TAFA2: variants seen among roughly 807,000 people sequenced by gnomAD.
TAFA2 encodes the protein TAFA chemokine like family member 2.
Under a neutral mutation model 18.8 loss-of-function variants are expected in TAFA2, and 7 were observed. That is an observed-to-expected ratio of 0.37 (90% confidence interval 0.21 to 0.70). The LOEUF is 0.70. Among genes scored for constraint, TAFA2 ranks in the 30% least tolerant of loss-of-function variants. The pLI, the probability that TAFA2 is intolerant of heterozygous loss-of-function variation, is 0.53. For missense variants in TAFA2, 122 were observed against 158.1 expected (o/e 0.77, Z 1.23); for synonymous variants, 60 against 54.2 (o/e 1.11, Z -0.47).
At chr12:62,021,481 T>TC in intron 1 of TAFA2, 1 of 624,260 alleles carries the variant, frequency 1.6e-6, no homozygotes, top group South Asian at 1.7e-5. Context: ...ATTCTTTTTT[T>TC]TTTTTCTGTC....
chr12:61,957,603 C>A (rs1878741074), intron 1 of TAFA2, among the ~76,000 whole-genome samples: 1 of 152,050 alleles, frequency 6.6e-6, no homozygotes. Context: ...TTGGACTGAG[C>A]AGGCCAAAGA....
intron 2 of TAFA2, among the ~76,000 whole-genome samples, chr12:61,769,472 C>T (rs1171575908): frequency 1.3e-5 from 2 of 152,038 alleles, no homozygotes; most frequent in Non-Finnish European, 2.9e-5. Context: ...ACAAAGGACA[C>T]TCACAGAGTC....
intron 1 of TAFA2, chr12:62,021,667 C>G (rs1033810231): frequency 8.1e-6 from 11 of 1,360,810 alleles, no homozygotes; most frequent in Non-Finnish European, 1.1e-5. Flanking sequence ...TTGGGTTCCA[C>G]GATGCTCACG....
chr12:62,181,305 A>G, intron 1 of TAFA2, among the ~76,000 whole-genome samples: 1 of 152,202 alleles, frequency 6.6e-6, no homozygotes, highest in African/African-American at 2.4e-5. Flanking sequence ...CCATCTTCCC[A>G]TTAAGTTTAT....
chr12:61,752,027 C>G (rs1178287209), intron 4 of TAFA2, among the ~76,000 whole-genome samples: 1 of 151,960 alleles, frequency 6.6e-6, no homozygotes, highest in East Asian at 1.9e-4. Context: ...GTACAAAGTA[C>G]AGGTTAAAAG....
intron 2 of TAFA2, among the ~76,000 whole-genome samples, chr12:61,817,683 A>G (rs915759972): frequency 5.9e-5 from 9 of 152,212 alleles, no homozygotes; most frequent in Middle Eastern, 3.2e-3. Context: ...ATTCTGATGC[A>G]GATTAGTGCT....
At chr12:61,954,370 A>C (rs1031398238) in intron 1 of TAFA2, among the ~76,000 whole-genome samples, 1 of 152,188 alleles carries the variant, frequency 6.6e-6, no homozygotes, top group African/African-American at 2.4e-5. Flanking sequence ...GGAAAACACT[A>C]ATTTATTTTC....
intron 1 of TAFA2, among the ~76,000 whole-genome samples, chr12:61,916,759 GATTCAAGATAAATATCTT>G (rs1325785944): frequency 6.6e-6 from 1 of 152,120 alleles, no homozygotes; most frequent in Non-Finnish European, 1.5e-5. Context: ...CTGGAGTGTA[GATTCAAGATAAATATCTT>G]ATTCCCATCT....
chr12:62,225,224 T>C (rs1377366961), intron 1 of TAFA2, among the ~76,000 whole-genome samples: 3 of 152,150 alleles, frequency 2.0e-5, no homozygotes, highest in African/African-American at 7.2e-5. Context: ...TGTCCAGAAA[T>C]TGATCAAATA....
intron 1 of TAFA2, among the ~76,000 whole-genome samples, chr12:62,155,618 T>G (rs1380904181): frequency 6.6e-6 from 1 of 151,990 alleles, no homozygotes; most frequent in Non-Finnish European, 1.5e-5. Context: ...TGGAACAGAA[T>G]AGAGAACCCA....
intron 1 of TAFA2, among the ~76,000 whole-genome samples, chr12:62,220,639 T>C (rs746421942): frequency 6.6e-6 from 1 of 152,222 alleles, no homozygotes; most frequent in Non-Finnish European, 1.5e-5. Flanking sequence ...GTAACAAATG[T>C]ACCACTCTGG....
intron 2 of TAFA2, among the ~76,000 whole-genome samples, chr12:61,777,016 C>T (rs1870292043): frequency 6.6e-6 from 1 of 151,822 alleles, no homozygotes; most frequent in African/African-American, 2.4e-5. Flanking sequence ...AAGCGGCATT[C>T]CAGGAATTAA....
intron 1 of TAFA2, among the ~76,000 whole-genome samples, chr12:62,180,484 T>C (rs1232904391): frequency 6.6e-6 from 1 of 152,210 alleles, no homozygotes; most frequent in African/African-American, 2.4e-5. Flanking sequence ...TATACAGTTA[T>C]AATCTTTTAA....
chr12:62,196,188 G>C (rs2136965108), upstream of TAFA2, among the ~76,000 whole-genome samples: 1 of 152,314 alleles, frequency 6.6e-6, no homozygotes, highest in South Asian at 2.1e-4. Flanking sequence ...GAATTGAAGA[G>C]AGTTAAGGCT....
intron 4 of TAFA2, among the ~76,000 whole-genome samples, chr12:61,738,025 CACTTAGGTTTTATTGGTTATTCCATT>C (rs1868333505): frequency 6.6e-6 from 1 of 151,986 alleles, no homozygotes; most frequent in African/African-American, 2.4e-5. Flanking sequence ...GTCCAAAAAT[CACTTAGGTTTTATTGGTTATTCCATT>C]AATAGGAATT....
chr12:62,154,188 A>G (rs1354598892), intron 1 of TAFA2, among the ~76,000 whole-genome samples: 5 of 152,124 alleles, frequency 3.3e-5, no homozygotes, highest in Admixed American at 6.6e-5. Flanking sequence ...AGTTGGTTTA[A>G]TGATTTAAGG....
In TAFA2 at chr12:61,725,090, C is replaced by A. The variant is rs75274950; in HGVS notation, c.385-14673G>T. ...TTATGTTTGTTGGCAATTTGTATAT[C>A]TTTCTTTTTTATCTATTTATGTCCT... is the stretch of plus-strand genomic sequence containing the variant. On this transcript the variant is annotated intron_variant, in intron 4 of 4. Coordinates refer to ENST00000416284, the MANE Select transcript of TAFA2 (RefSeq NM_178539.5). Among the ~76,000 whole-genome samples, 636 of 151,146 alleles carry A rather than the reference C, an allele frequency of 4.2e-3. 3 individuals carry two copies. Among genetic ancestry groups the A allele is most frequent in the African/African-American group, 0.015 (622 of 40,924 alleles).
At chr12:62,089,475 AT>A (rs972737901) in intron 1 of TAFA2, among the ~76,000 whole-genome samples, 1 of 151,978 alleles carries the variant, frequency 6.6e-6, no homozygotes, top group African/African-American at 2.4e-5. Context: ...AATTTCAGTA[AT>A]TGTTTTTTGT....
intron 1 of TAFA2, among the ~76,000 whole-genome samples, chr12:62,243,497 A>C (rs928312704): frequency 6.6e-6 from 1 of 152,208 alleles, no homozygotes; most frequent in African/African-American, 2.4e-5. Flanking sequence ...CTATTTGTAA[A>C]GGCTACCACT....
Sources: gnomAD v4.1 joint callset for allele counts (sites outside exome capture counted in the v4.1 genomes callset) on GRCh38, gnomAD v4.1.1 for gene constraint, MANE v1.5 for transcripts, NCBI Gene and HGNC (gene_info 2026-07-23, HGNC 2026-07-21) for gene names.